Variants in DTHD1 observed in about 807,000 individuals in gnomAD.
DTHD1 encodes the protein death domain containing 1.
Under a neutral mutation model 74.8 loss-of-function variants are expected in DTHD1, and 59 were observed. The ratio of observed to expected loss-of-function variants is 0.79; its 90% CI spans 0.64 to 0.98. The LOEUF is 0.98. DTHD1 is among the 50% of genes least tolerant of loss of function. The probability of loss-of-function intolerance (pLI) is 0.00; values close to 1 mark genes in which losing one functional copy is unlikely to be tolerated. For missense variants in DTHD1, 1,051 were observed against 1,065.4 expected (o/e 0.99, Z 0.19); for synonymous variants, 365 against 371.1 (o/e 0.98, Z 0.19).
At position 36,284,409 on chromosome 4, in the gene DTHD1, C is replaced by G; in HGVS notation, c.705C>G (p.Asn235Lys). 1.3e-6 allele frequency: 2 copies of G among 1,536,988 alleles called. No homozygotes were observed. Among genetic ancestry groups the G allele is most frequent in the Non-Finnish European group, 1.7e-6 (2 of 1,146,808 alleles). ...TGACTGTTGAGAACATAAATGGCAA[C>G]AGGGAAGAGACTCATGGCATAATTC... The part of the protein sequence containing the change: ...EHMTVENING[N>K]REETHGIIQT... Residue 235 changes from asparagine (N) to lysine (K), a missense_variant, in exon 2 of 10, where the codon AAC becomes AAG. Coordinates refer to ENST00000639862, the MANE Select transcript of DTHD1 (RefSeq NM_001170700.3).
chr4:36,308,363 A>G lies in DTHD1; in HGVS notation c.1965A>G (p.Lys655=). ...HRIAVLVVPS[K]DLSQVLKDLH... The stretch of plus-strand genomic sequence containing the variant: ...TAGCTGTTTTAGTGGTGCCTTCCAA[A>G]GATTTAAGCCAGGTGCTTAAGGACC... The change falls in exon 7 of 10, where the codon AAA becomes AAG. Residue 655 remains lysine (K), a synonymous_variant. Transcript: ENST00000639862. The G allele has an allele frequency of 6.4e-7, 1 of 1,551,856 alleles. No homozygotes were observed.
intron 7 of DTHD1, among the ~76,000 whole-genome samples, chr4:36,311,494 T>G (rs1454335887): frequency 7.7e-6 from 1 of 130,614 alleles, no homozygotes; most frequent in Non-Finnish European, 1.6e-5. Flanking sequence ...AGTTCTCTCC[T>G]GCTGTATCTT....
intron 5 of DTHD1, among the ~76,000 whole-genome samples, chr4:36,300,534 T>A (rs1465188443): frequency 6.6e-6 from 1 of 152,184 alleles, no homozygotes; most frequent in African/African-American, 2.4e-5. Context: ...TTTGGAAAAT[T>A]TCAAAAGAAT....
chr4:36,283,224 G>T (rs148476738), intron 1 of DTHD1, among the ~76,000 whole-genome samples: 1 of 152,324 alleles, frequency 6.6e-6, no homozygotes, highest in African/African-American at 2.4e-5. Context: ...TGAACAAATA[G>T]GAGAGTGGGA....
intron 8 of DTHD1, among the ~76,000 whole-genome samples, 176 bp downstream of exon 8, chr4:36,316,662 C>G (rs1476423484): frequency 1.3e-5 from 2 of 152,160 alleles, no homozygotes; most frequent in East Asian, 3.8e-4. Flanking sequence ...GTTAGGATTT[C>G]TCCTTTTGTT....
At chr4:36,323,226 A>G (rs1758140949) in intron 8 of DTHD1, among the ~76,000 whole-genome samples, 2 of 152,314 alleles carry the variant, frequency 1.3e-5, no homozygotes, top group South Asian at 4.1e-4. Context: ...AAATAATGAT[A>G]CTGCTTCAAC....
At chr4:36,309,965 T>G (rs765939168) in intron 7 of DTHD1, among the ~76,000 whole-genome samples, 15 of 152,204 alleles carry the variant, frequency 9.9e-5, no homozygotes, top group Admixed American at 3.3e-4. Context: ...GGTTTTCTGT[T>G]TCTGCATTAA....
At chr4:36,336,753 G>C (rs1244663092) in intron 8 of DTHD1, among the ~76,000 whole-genome samples, 2 of 152,206 alleles carry the variant, frequency 1.3e-5, no homozygotes, top group Non-Finnish European at 2.9e-5. Context: ...GTGCCTGGTG[G>C]CAAAGGGAGA....
intron 8 of DTHD1, among the ~76,000 whole-genome samples, chr4:36,331,747 G>A (rs1758686158): frequency 6.6e-6 from 1 of 152,090 alleles, no homozygotes; most frequent in Admixed American, 6.6e-5. Flanking sequence ...TTCTGTCATT[G>A]ACTGTATAAA....
Position 36,293,506 on chromosome 4 carries a change from A to AT in DTHD1, c.1219-19dup. Reference sequence around the variant, plus strand: ...CAAATCAGTGCTATAGCTTATTTTAATGTTCTTTATTCTATACAGGGGACC... The same window carrying AT: ...CAAATCAGTGCTATAGCTTATTTTAATTGTTCTTTATTCTATACAGGGGACC... On this transcript the variant is annotated intron_variant, in intron 3 of 9. Coordinates refer to ENST00000639862, the MANE Select transcript of DTHD1 (RefSeq NM_001170700.3). The AT allele has an allele frequency of 6.8e-7, 1 of 1,476,716 alleles. No homozygotes were observed. The highest frequency in any genetic ancestry group is 2.4e-5 in the Admixed American group (1 of 42,054). 91.5% of individuals were successfully genotyped at this position (1,476,716 alleles called of 1,614,324 possible).
intron 5 of DTHD1, 105 bp downstream of exon 5, chr4:36,295,144 T>C (rs546052032): frequency 5.2e-5 from 64 of 1,232,976 alleles, no homozygotes; most frequent in South Asian, 3.8e-4. Context: ...TGTATTAAAA[T>C]ATTATGAAAT....
chr4:36,314,750 T>G (rs867798439), intron 7 of DTHD1, among the ~76,000 whole-genome samples: 1,019 of 82,650 alleles, frequency 0.012, 18 homozygotes, highest in African/African-American at 0.11. Flanking sequence ...AATCTGAGTT[T>G]TTTTTTTTTT....
intron 2 of DTHD1, 73 bp downstream of exon 2, chr4:36,284,664 T>C (rs1755600733): frequency 1.7e-6 from 2 of 1,167,180 alleles, no homozygotes; most frequent in Non-Finnish European, 2.3e-6. Flanking sequence ...AGTACATGTC[T>C]TAGTTCATTC....
At chr4:36,334,971 A>C (rs1758924893) in intron 8 of DTHD1, among the ~76,000 whole-genome samples, 1 of 152,232 alleles carries the variant, frequency 6.6e-6, no homozygotes, top group African/African-American at 2.4e-5. Flanking sequence ...GATATAAAAG[A>C]AGATGCAGAA....
chr4:36,318,823 C>G (rs964596873), intron 8 of DTHD1, among the ~76,000 whole-genome samples: 2 of 152,232 alleles, frequency 1.3e-5, no homozygotes, highest in Middle Eastern at 3.4e-3. Flanking sequence ...ACCGTGTTAG[C>G]CAGGATGGTC....
At chr4:36,308,180 G>T (rs757598775) in intron 6 of DTHD1, 24 bp from the exon 7 acceptor site, 1 of 1,544,014 alleles carries the variant, frequency 6.5e-7, no homozygotes, top group African/African-American at 1.4e-5. Flanking sequence ...TTTCCCTGGG[G>T]TCTCACCTCT....
chr4:36,298,040 G>A (rs923319657), intron 5 of DTHD1, among the ~76,000 whole-genome samples: 5 of 151,840 alleles, frequency 3.3e-5, no homozygotes, highest in African/African-American at 1.2e-4. Context: ...GCTAGAATAA[G>A]CCACTTTTTT....
intron 1 of DTHD1, among the ~76,000 whole-genome samples, chr4:36,282,501 C>A (rs1054879063): frequency 2.0e-5 from 3 of 152,014 alleles, no homozygotes; most frequent in African/African-American, 4.8e-5. Context: ...TTATTGATTG[C>A]AAAATTACTG....
rs2109464676 is a variant in DTHD1 at position 36,294,945 on chromosome 4, C to G, written c.1549C>G (p.Pro517Ala). Residue 517 changes from proline to alanine, a missense_variant, in exon 5 of 10, where the codon CCA becomes GCA. Pro to Ala is a conservative substitution (Grantham distance 27). Coordinates refer to ENST00000639862, the MANE Select transcript of DTHD1 (RefSeq NM_001170700.3). ...AGTCACTTTGTTTTTACCTTGTTCT[C>G]CATACCTTGATAAAAACAACCTTGG... ...KPVTLFLPCS[P>A]YLDKNNLGSE... 5 of 1,551,608 alleles carry G rather than the reference C, an allele frequency of 3.2e-6. No individual in the cohort carries two copies. The highest frequency in any genetic ancestry group is 4.4e-6 in the Non-Finnish European group (5 of 1,146,668).
Sources: gnomAD v4.1 joint callset for allele counts (sites outside exome capture counted in the v4.1 genomes callset) on GRCh38, gnomAD v4.1.1 for gene constraint, MANE v1.5 for transcripts, NCBI Gene and HGNC (gene_info 2026-07-23, HGNC 2026-07-21) for gene names.